SLC30A5: variants seen among roughly 807,000 people sequenced by gnomAD.
The protein encoded by SLC30A5 is solute carrier family 30 member 5.
A neutral mutation model predicts 79.6 loss-of-function variants in SLC30A5; 33 were observed. The ratio of observed to expected loss-of-function variants is 0.41; its 90% confidence interval spans 0.31 to 0.55. The LOEUF is 0.55. Ranked by LOEUF, SLC30A5 falls within the 20% of genes least tolerant of loss-of-function variation. SLC30A5 has a pLI of 0.20. For synonymous variants in SLC30A5, 299 were observed against 319.7 expected, an observed-to-expected ratio of 0.94 and a Z score of 0.69; for missense variants, 788 against 928.1, an observed-to-expected ratio of 0.85 and a Z score of 1.96.
intron 5 of SLC30A5, among the ~76,000 whole-genome samples, chr5:69,112,624 T>A (rs1389254340): frequency 6.6e-6 from 1 of 152,046 alleles, no homozygotes; most frequent in Non-Finnish European, 1.5e-5. Context: ...AAAAAAAAAT[T>A]TTCCCTGGAA....
At chr5:69,110,564 G>C (rs931188488) in intron 5 of SLC30A5, among the ~76,000 whole-genome samples, 1 of 152,158 alleles carries the variant, frequency 6.6e-6, no homozygotes, top group African/African-American at 2.4e-5. Context: ...GTGGATTGAA[G>C]AGCTTTGTGA....
Position 69,117,240 on chromosome 5 carries a change from T to C in SLC30A5, c.1283T>C (p.Leu428Pro). The C allele has an allele frequency of 6.2e-7, 1 of 1,610,866 alleles. No homozygotes were observed. Among genetic ancestry groups the C allele is most frequent in the Non-Finnish European group, 8.5e-7 (1 of 1,177,964 alleles). Reference protein sequence around the residue: ...QIFYFLCLNLLFTFVELFYGV... With the variant: ...QIFYFLCLNLPFTFVELFYGV... Reference sequence around the variant, plus strand: ...CTTTTTTTTTGGTGACATTTTTAGCTTTTTACCTTTGTGGAATTATTCTAT... The same window carrying C: ...CTTTTTTTTTGGTGACATTTTTAGCCTTTTACCTTTGTGGAATTATTCTAT... Residue 428 changes from leucine (L) to proline (P), a missense_variant and splice_region_variant, in exon 11 of 16, where the codon CTT becomes CCT. Leu to Pro is a moderately conservative substitution (Grantham distance 98). Coordinates refer to ENST00000396591, the MANE Select transcript of SLC30A5 (RefSeq NM_022902.5).
Position 69,127,997 on chromosome 5 carries a change from T to A in SLC30A5, c.1999-7T>A, listed in dbSNP as rs754106325. Reference sequence around the variant, plus strand: ...TGACCATTTATATCACCTCTTTTATTTGACAGATACAGAAAATTGAAGGAT... The same window carrying A: ...TGACCATTTATATCACCTCTTTTATATGACAGATACAGAAAATTGAAGGAT... On this transcript the variant is annotated splice_polypyrimidine_tract_variant and splice_region_variant and intron_variant, in intron 14 of 15. Transcript: ENST00000396591. 1 of 1,606,494 alleles carries A rather than the reference T, an allele frequency of 6.2e-7. No homozygotes were observed. The highest frequency in any genetic ancestry group is 1.7e-5 in the Admixed American group (1 of 59,418).
At chr5:69,108,707 G>A (rs760864015) in intron 5 of SLC30A5, among the ~76,000 whole-genome samples, 1 of 151,304 alleles carries the variant, frequency 6.6e-6, no homozygotes, top group South Asian at 2.1e-4. Context: ...CTGTAATCCC[G>A]GCTACTCTGG....
chr5:69,128,202 A>C (rs1746754916), intron 15 of SLC30A5, 70 bp downstream of exon 15: 2 of 1,122,768 alleles, frequency 1.8e-6, no homozygotes, highest in Non-Finnish European at 2.5e-6. Context: ...CTCATAAGTT[A>C]TATGGCTCAG....
At chr5:69,108,012 G>A (rs1195916997) in intron 4 of SLC30A5, among the ~76,000 whole-genome samples, 1 of 152,194 alleles carries the variant, frequency 6.6e-6, no homozygotes, top group Non-Finnish European at 1.5e-5. Flanking sequence ...TTATAGGTGT[G>A]AGCCACCATA....
At chr5:69,112,340 G>A (rs2111968680) in intron 5 of SLC30A5, among the ~76,000 whole-genome samples, 1 of 151,880 alleles carries the variant, frequency 6.6e-6, no homozygotes, top group South Asian at 2.1e-4. Context: ...TGCTCTTGAA[G>A]CTACCATTCT....
At chr5:69,127,480 A>AT (rs199735962) in intron 14 of SLC30A5, among the ~76,000 whole-genome samples, 57,103 of 142,300 alleles carry the variant, frequency 0.4, 11,685 homozygotes, top group East Asian at 0.53. Flanking sequence ...ATACAAAAAA[A>AT]AAAAAAAAAA....
intron 1 of SLC30A5, among the ~76,000 whole-genome samples, chr5:69,099,463 C>T (rs1745844512): frequency 6.6e-6 from 1 of 152,078 alleles, no homozygotes; most frequent in African/African-American, 2.4e-5. Flanking sequence ...ATTTAAGTGA[C>T]CTCGCCAGAG....
chr5:69,121,641 C>A, intron 12 of SLC30A5, 53 bp from the exon 13 acceptor site: 1 of 1,251,666 alleles, frequency 8.0e-7, no homozygotes, highest in Non-Finnish European at 1.1e-6. Context: ...TTTTAAATAA[C>A]AAGTCTATTT....
rs1561301942 is a variant in SLC30A5, at chr5:69,129,651, A to C, written c.*34A>C. 1.3e-6 allele frequency: 2 copies of C among 1,560,534 alleles called. No individual in the cohort carries two copies. The highest frequency in any genetic ancestry group is 1.7e-6 in the Non-Finnish European group (2 of 1,150,678). Reference sequence around the variant, plus strand: ...AAGAATTACCCCTGGAGAATAAACAATGAAGATTAAATGACTCAGTATTTG... The same window carrying C: ...AAGAATTACCCCTGGAGAATAAACACTGAAGATTAAATGACTCAGTATTTG... On this transcript the variant is annotated 3_prime_UTR_variant, in exon 16 of 16. Transcript: ENST00000396591.
intron 1 of SLC30A5, among the ~76,000 whole-genome samples, chr5:69,095,816 T>G (rs2111916357): frequency 6.6e-6 from 1 of 152,084 alleles, no homozygotes; most frequent in Non-Finnish European, 1.5e-5. Flanking sequence ...TCCCAACACT[T>G]TGGGAGGCCA....
Position 69,129,694 on chromosome 5 carries a change from T to C in SLC30A5, c.*77T>C. 1 of 1,327,318 alleles carries C rather than the reference T, an allele frequency of 7.5e-7. No homozygotes were observed. Among genetic ancestry groups the C allele is most frequent in the Non-Finnish European group, 1.0e-6 (1 of 976,048 alleles). 82.2% of individuals were successfully genotyped at this position (1,327,318 alleles called of 1,614,324 possible). The stretch of plus-strand genomic sequence containing the variant: ...AGTATTTGTAATATTGCCAGAAGGA[T>C]AAAAATTACACATTAACTGTACAGA... On this transcript the variant is annotated 3_prime_UTR_variant, in exon 16 of 16. Transcript: ENST00000396591.
At chr5:69,108,480 A>AT (rs1408410651) in intron 5 of SLC30A5, 44 bp downstream of exon 5, 3 of 1,287,236 alleles carry the variant, frequency 2.3e-6, no homozygotes, top group Non-Finnish European at 3.4e-6. Context: ...GAAAGTATGT[A>AT]TGTCACATAT....
rs771245725 is a variant in SLC30A5, at chr5:69,103,145, AT to A, written c.273+18del. 8.3e-6 allele frequency: 12 copies of A among 1,449,072 alleles called. No homozygotes were observed. Among genetic ancestry groups the A allele is most frequent in the Admixed American group, 1.8e-5 (1 of 57,084 alleles). The allele number at this position is 1,449,072 out of a possible 1,614,324, so 89.8% of individuals were successfully genotyped here. A position where few individuals can be genotyped will look rare whatever the true frequency, so the allele number is the denominator to read the frequency against. On this transcript the variant is annotated intron_variant, in intron 3 of 15. Transcript: ENST00000396591. The stretch of plus-strand genomic sequence containing the variant: ...AAACACCAGGTAAGATTTTTGCAGA[AT>A]CTTTTATTCCTAGCAGCTTCTCGTT...
rs1301396205 is a variant in SLC30A5 at position 69,123,734 on chromosome 5, T to G, written c.1998+309T>G. Among the ~76,000 whole-genome samples, 4 of 152,192 alleles carry G rather than the reference T, an allele frequency of 2.6e-5. No homozygotes were observed. The East Asian group carries it at 5.8e-4, about 22-fold the overall frequency. The stretch of plus-strand genomic sequence containing the variant: ...TTATTTAGATTTCAATTTAGTTGCC[T>G]TCATTGGATATTTTTGTTTATGGTT... On this transcript the variant is annotated intron_variant, in intron 14 of 15. Coordinates refer to ENST00000396591, the MANE Select transcript of SLC30A5 (RefSeq NM_022902.5).
chr5:69,100,634 T>G (rs1409923409), intron 1 of SLC30A5, among the ~76,000 whole-genome samples, 173 bp from the exon 2 acceptor site: 1 of 139,958 alleles, frequency 7.1e-6, no homozygotes, highest in Non-Finnish European at 1.5e-5. Context: ...AAAAAAAAAG[T>G]CAACAGTAGT....
intron 5 of SLC30A5, among the ~76,000 whole-genome samples, chr5:69,112,930 A>G (rs192952731): frequency 6.6e-6 from 1 of 152,218 alleles, no homozygotes; most frequent in Non-Finnish European, 1.5e-5. Context: ...AATCAATGTT[A>G]TCATTAGTTT....
intron 1 of SLC30A5, among the ~76,000 whole-genome samples, chr5:69,099,777 G>A (rs1745856873): frequency 6.6e-6 from 1 of 152,132 alleles, no homozygotes; most frequent in African/African-American, 2.4e-5. Context: ...ACAGAATTTA[G>A]TTTTTATTTT....
Sources: allele counts gnomAD v4.1 joint callset (sites outside exome capture counted in the v4.1 genomes callset), GRCh38; gene constraint gnomAD v4.1.1; transcripts MANE v1.5; gene names NCBI Gene and HGNC (gene_info 2026-07-23, HGNC 2026-07-21).